The following ASIC2 variants were observed in gnomAD, a reference collection of about 807,000 sequenced individuals.
ASIC2 encodes the protein acid-sensing ion channel 2.
ASIC2 carries 25 observed loss-of-function variants against 57.3 expected under a neutral mutation model. The ratio of observed to expected loss-of-function variants is 0.44; its 90% CI spans 0.32 to 0.61. The LOEUF is 0.61. ASIC2 is among the 20% of genes least tolerant of loss of function. The pLI, the probability that ASIC2 is intolerant of heterozygous loss-of-function variation, is 0.06. For synonymous variants in ASIC2, 319 were observed against 307.5 expected, an observed-to-expected ratio of 1.04 and a Z score of -0.39; for missense variants, 641 against 738.1, an observed-to-expected ratio of 0.87 and a Z score of 1.52.
At chr17:33,261,624 A>G (rs1324254041) in intron 1 of ASIC2, among the ~76,000 whole-genome samples, 2 of 152,218 alleles carry the variant, frequency 1.3e-5, no homozygotes, top group Non-Finnish European at 2.9e-5. Flanking sequence ...GATGGTGTCT[A>G]AGAGCTGTAT....
chr17:33,792,534 G>C (rs1164736158), intron 1 of ASIC2: 2 of 152,148 alleles, frequency 1.3e-5, no homozygotes, highest in African/African-American at 4.8e-5. Context: ...CCCAAGAAGT[G>C]GGTATTTATG....
intron 1 of ASIC2, among the ~76,000 whole-genome samples, chr17:33,115,522 C>G (rs2092277544): frequency 6.6e-6 from 1 of 152,178 alleles, no homozygotes; most frequent in Non-Finnish European, 1.5e-5. Flanking sequence ...GTGCAGCAAG[C>G]TCTTCCCCGC....
At chr17:33,948,685 G>A (rs1449447841) in intron 1 of ASIC2, among the ~76,000 whole-genome samples, 3 of 152,202 alleles carry the variant, frequency 2.0e-5, no homozygotes, top group Non-Finnish European at 2.9e-5. Context: ...TGTGGACTTC[G>A]GCAAATGACT....
chr17:33,931,638 C>T (rs1915933476), intron 1 of ASIC2, among the ~76,000 whole-genome samples: 1 of 152,220 alleles, frequency 6.6e-6, no homozygotes, highest in Non-Finnish European at 1.5e-5. Context: ...AGGCAGCTGA[C>T]AGCAGCTTAT....
At chr17:34,033,693 TC>T (rs1377172087) in intron 1 of ASIC2, among the ~76,000 whole-genome samples, 1 of 152,038 alleles carries the variant, frequency 6.6e-6, no homozygotes, top group Non-Finnish European at 1.5e-5. Flanking sequence ...TCATCACCGA[TC>T]CCACAGAAAT....
intron 1 of ASIC2, among the ~76,000 whole-genome samples, chr17:33,784,857 G>A (rs117779663): frequency 1.3e-5 from 2 of 152,242 alleles, no homozygotes; most frequent in East Asian, 3.9e-4. Context: ...AAGTGTGCAG[G>A]ACCTTATGAC....
intron 1 of ASIC2, among the ~76,000 whole-genome samples, chr17:33,144,932 A>G (rs926539464): frequency 6.6e-6 from 1 of 152,236 alleles, no homozygotes; most frequent in African/African-American, 2.4e-5. Context: ...TGGAAGCTCC[A>G]TGACAATCAA....
At chr17:33,350,687 A>AAAGAAAGAAAGAAAGAAAGAAAGAAAG (rs1908129521) in intron 1 of ASIC2, among the ~76,000 whole-genome samples, 1 of 145,556 alleles carries the variant, frequency 6.9e-6, no homozygotes, top group African/African-American at 2.7e-5. Context: ...GTGAGAAAAA[A>AAAGAAAGAAAGAAAGAAAGAAAGAAAG]AAAGAAAGAA....
chr17:33,079,438 G>C (rs2092103174), intron 3 of ASIC2, among the ~76,000 whole-genome samples: 1 of 152,250 alleles, frequency 6.6e-6, no homozygotes, highest in South Asian at 2.1e-4. Context: ...TAATGTGGCT[G>C]GGGTGTTGTG....
intron 1 of ASIC2, among the ~76,000 whole-genome samples, chr17:34,035,930 T>C (rs935724833): frequency 3.3e-5 from 5 of 151,828 alleles, no homozygotes; most frequent in Admixed American, 2.6e-4. Flanking sequence ...TTTACACTGT[T>C]GGTGGGACTG....
intron 1 of ASIC2, among the ~76,000 whole-genome samples, chr17:33,326,709 C>T (rs1042354791): frequency 1.3e-5 from 2 of 152,214 alleles, no homozygotes; most frequent in African/African-American, 4.8e-5. Flanking sequence ...CAAAGGGCCT[C>T]CTATTTTCTT....
In ASIC2 at chr17:33,377,564, G is replaced by A. The variant is rs372672079; in HGVS notation, c.556-265497C>T. Among the ~76,000 whole-genome samples the A allele has an allele frequency of 3.3e-5, 5 of 152,080 alleles. No homozygotes were observed. The South Asian group carries it at 8.3e-4, about 25-fold the overall frequency. On this transcript the variant is annotated intron_variant, in intron 1 of 9. Coordinates refer to the ASIC2 transcript ENST00000359872. ...CCCTTCTCTCTGCCTTACCCTCCAGGCAAAGAGGAGTACTTGTGATTTCCC... is the reference window on the plus strand; with the variant it reads ...CCCTTCTCTCTGCCTTACCCTCCAGACAAAGAGGAGTACTTGTGATTTCCC...
At chr17:33,868,270 G>C (rs548413877) in intron 1 of ASIC2, among the ~76,000 whole-genome samples, 1 of 151,904 alleles carries the variant, frequency 6.6e-6, no homozygotes, top group African/African-American at 2.4e-5. Context: ...AATCTCTGTA[G>C]TAACTATTCA....
At chr17:33,350,682 A>G (rs1300935374) in intron 1 of ASIC2, among the ~76,000 whole-genome samples, 3 of 151,238 alleles carry the variant, frequency 2.0e-5, no homozygotes, top group Non-Finnish European at 4.4e-5. Flanking sequence ...ACTCTGTGAG[A>G]AAAAAAAAGA....
chr17:33,574,938 A>G (rs954862136), intron 1 of ASIC2, among the ~76,000 whole-genome samples: 27 of 151,782 alleles, frequency 1.8e-4, no homozygotes, highest in African/African-American at 5.8e-4. Context: ...TAATTTGCCC[A>G]AGGACACTCA....
At chr17:33,120,196 G>A (rs1472758379) in intron 1 of ASIC2, among the ~76,000 whole-genome samples, 1 of 152,168 alleles carries the variant, frequency 6.6e-6, no homozygotes, top group Admixed American at 6.5e-5. Context: ...TCCATGCCCT[G>A]GGGCCCATCT....
intron 1 of ASIC2, among the ~76,000 whole-genome samples, chr17:33,164,073 A>G (rs1243220018): frequency 1.3e-5 from 2 of 152,318 alleles, no homozygotes; most frequent in East Asian, 1.9e-4. Flanking sequence ...CAAAGCACAC[A>G]TGTCCTGCCA....
At chr17:34,034,342 G>A (rs903824481) in intron 1 of ASIC2, among the ~76,000 whole-genome samples, 5 of 152,122 alleles carry the variant, frequency 3.3e-5, no homozygotes, top group African/African-American at 1.2e-4. Flanking sequence ...CAATAAATTA[G>A]GTATTGATAG....
chr17:34,047,547 T>C (rs1473031976), intron 1 of ASIC2, among the ~76,000 whole-genome samples: 1 of 151,218 alleles, frequency 6.6e-6, no homozygotes, highest in East Asian at 1.9e-4. Context: ...TGGAGTATAT[T>C]GATTACACCA....
Sources: gnomAD v4.1 joint callset for allele counts (sites outside exome capture counted in the v4.1 genomes callset) on GRCh38, gnomAD v4.1.1 for gene constraint, MANE v1.5 for transcripts, NCBI Gene and HGNC (gene_info 2026-07-23, HGNC 2026-07-21) for gene names.